The following ANKRD36 variants were observed in gnomAD, a reference collection of about 807,000 sequenced individuals.
The protein encoded by ANKRD36 is ankyrin repeat domain-containing protein 36A.
A neutral mutation model predicts 278.1 loss-of-function variants in ANKRD36; 179 were observed. The observed-to-expected ratio is 0.64, with a 90% CI of 0.57 to 0.73. ANKRD36 has a LOEUF of 0.73. Among genes scored for constraint, ANKRD36 ranks in the 30% least tolerant of loss-of-function variants. The pLI is 0.00. For missense variants in ANKRD36, 1,159 were observed against 1,956.7 expected (o/e 0.59, Z 7.69); for synonymous variants, 320 against 641.1 (o/e 0.50, Z 7.57).
Position 97,193,046 on chromosome 2 carries a change from T to C in ANKRD36, c.2442T>C (p.Ser814=). 6.4e-7 allele frequency: 1 copy of C among 1,552,926 alleles called. No homozygotes were observed. The highest frequency in any genetic ancestry group is 1.2e-5 in the South Asian group (1 of 84,460). Reference sequence around the variant, plus strand: ...GAGAAAACAAGGATGGAGAAAAATCTAGGACAGGTAATTTTGAAAAGAGAT... The same window carrying C: ...GAGAAAACAAGGATGGAGAAAAATCCAGGACAGGTAATTTTGAAAAGAGAT... The part of the protein sequence containing the change: ...IARENKDGEK[S]RTVSSRKKPA... Residue 814 remains serine, a synonymous_variant, in exon 38 of 76, where the codon TCT becomes TCC. Transcript: ENST00000420699.
In ANKRD36 at chr2:97,190,055, G is replaced by T. The variant is rs1322848155; in HGVS notation, c.2245+765G>T. ...GAATACATTGGCTTCCTTGTTCAAGGAGCTACCTCTTGGATAAAATAGCTA... is the reference window on the plus strand; with the variant it reads ...GAATACATTGGCTTCCTTGTTCAAGTAGCTACCTCTTGGATAAAATAGCTA... On this transcript the variant is annotated intron_variant, in intron 34 of 75. Transcript: ENST00000420699. Among the ~76,000 whole-genome samples the T allele has an allele frequency of 2.3e-5, 2 of 87,110 alleles. 1 individual carries two copies. The highest frequency in any genetic ancestry group is 5.3e-5 in the African/African-American group (2 of 37,938). The allele number at this position is 87,110 out of a possible 152,430, so 57.1% of individuals were successfully genotyped here.
intron 49 of ANKRD36, 27 bp from the exon 50 acceptor site, chr2:97,204,160 AATTT>A (rs2062162677): frequency 1.3e-6 from 2 of 1,573,600 alleles, no homozygotes; most frequent in African/African-American, 1.4e-5. Flanking sequence ...ATACTTTATT[AATTT>A]ATTATTTCAT....
chr2:97,140,608 A>G (rs2042662320), intron 6 of ANKRD36, among the ~76,000 whole-genome samples: 2 of 152,040 alleles, frequency 1.3e-5, no homozygotes, highest in Admixed American at 6.6e-5. Flanking sequence ...AAGAGTGTCT[A>G]TGGGAGAGAG....
intron 40 of ANKRD36, among the ~76,000 whole-genome samples, chr2:97,196,032 T>TAATA (rs373546772): frequency 1.0e-3 from 159 of 152,046 alleles, no homozygotes; most frequent in African/African-American, 3.6e-3. Context: ...TAATGAATAT[T>TAATA]ATGTACTAGG....
At chr2:97,209,194 T>C (rs1348996438) in intron 54 of ANKRD36, among the ~76,000 whole-genome samples, 1 of 146,658 alleles carries the variant, frequency 6.8e-6, no homozygotes, top group Non-Finnish European at 1.5e-5. Flanking sequence ...ATGTGAAGTG[T>C]ACTTTCAACT....
intron 22 of ANKRD36, among the ~76,000 whole-genome samples, chr2:97,178,464 G>A (rs2055023508): frequency 1.3e-5 from 2 of 151,806 alleles, no homozygotes; most frequent in South Asian, 4.2e-4. Context: ...TTAAGAAAAT[G>A]TGGCACATAT....
chr2:97,218,077 T>C (rs2066435505), intron 64 of ANKRD36, among the ~76,000 whole-genome samples: 2 of 151,972 alleles, frequency 1.3e-5, no homozygotes, highest in South Asian at 4.2e-4. Context: ...ACATATATTT[T>C]TTATTAGTTA....
chr2:97,237,297 G>GT (rs1380983889), intron 68 of ANKRD36, among the ~76,000 whole-genome samples: 14 of 149,254 alleles, frequency 9.4e-5, no homozygotes, highest in African/African-American at 3.4e-4. Flanking sequence ...CATAGTGGTA[G>GT]TTGCTATGAT....
chr2:97,181,643 T>A lies in ANKRD36; in HGVS notation c.1764+17T>A. 1 of 1,602,966 alleles carries A rather than the reference T, an allele frequency of 6.2e-7. No homozygotes were observed. The highest frequency in any genetic ancestry group is 8.5e-7 in the Non-Finnish European group (1 of 1,178,178). ...GCTGAGAAGGTAATTAAAGTCTCAT[T>A]TATATGTTGAACTATTAACTGTATA... is the stretch of plus-strand genomic sequence containing the variant. On this transcript the variant is annotated intron_variant, in intron 25 of 75. Transcript: ENST00000420699.
At chr2:97,158,277 G>T in intron 16 of ANKRD36, 110 bp downstream of exon 16, 1 of 1,288,404 alleles carries the variant, frequency 7.8e-7, no homozygotes, top group South Asian at 1.4e-5. Flanking sequence ...GCCCAGGCTG[G>T]AGTGCAGTGG....
At chr2:97,244,167 T>C in intron 70 of ANKRD36, 138 bp downstream of exon 70, 17 of 1,137,828 alleles carry the variant, frequency 1.5e-5, no homozygotes, top group Non-Finnish European at 2.1e-5. Context: ...TCATGGCATT[T>C]ATAGCTATAA....
At chr2:97,198,839 G>A (rs372280175) in intron 44 of ANKRD36, among the ~76,000 whole-genome samples, 181 bp downstream of exon 44, 488 of 151,304 alleles carry the variant, frequency 3.2e-3, no homozygotes, top group East Asian at 0.01. Flanking sequence ...CATGATCTTC[G>A]CAGTAAGATT....
chr2:97,134,889 A>G (rs564419988), intron 6 of ANKRD36, among the ~76,000 whole-genome samples: 1 of 152,170 alleles, frequency 6.6e-6, no homozygotes, highest in South Asian at 2.1e-4. Context: ...AGGGAGTGAT[A>G]TTTTCTCTGT....
chr2:97,189,627 G>A lies in ANKRD36; in HGVS notation c.2245+337G>A, dbSNP rs372066104. 1.0e-4 allele frequency among the ~76,000 whole-genome samples: 9 copies of A among 87,454 alleles called. 3 individuals are homozygous for A. The highest frequency in any genetic ancestry group is 2.6e-4 in the South Asian group (1 of 3,810). The allele number at this position is 87,454 out of a possible 152,430, so 57.4% of individuals were successfully genotyped here. ...CACTAAGGGTGGAAGAAGAAAGAGA[G>A]GAAGTATAGATTCTACAGACGTCAC... On this transcript the variant is annotated intron_variant, in intron 34 of 75. Transcript: ENST00000420699.
chr2:97,143,707 A>G (rs576134536), intron 8 of ANKRD36, among the ~76,000 whole-genome samples: 2 of 152,282 alleles, frequency 1.3e-5, no homozygotes, highest in African/African-American at 2.4e-5. Flanking sequence ...TGACTCCTAA[A>G]GTGGTTATTT....
At chr2:97,205,875 T>C (rs1348463666) in intron 50 of ANKRD36, 65 bp from the exon 51 acceptor site, 3 of 1,496,430 alleles carry the variant, frequency 2.0e-6, no homozygotes, top group Non-Finnish European at 2.7e-6. Context: ...CTAACTCTGC[T>C]TGAATGTATG....
At chr2:97,263,182 A>G (rs1482391371) in intron 75 of ANKRD36, among the ~76,000 whole-genome samples, 1 of 132,876 alleles carries the variant, frequency 7.5e-6, no homozygotes, top group African/African-American at 3.0e-5. Context: ...GTTGACCAAA[A>G]TGATAATAGG....
At chr2:97,128,683 C>A (rs1408877476) in intron 6 of ANKRD36, among the ~76,000 whole-genome samples, 1 of 151,796 alleles carries the variant, frequency 6.6e-6, no homozygotes, top group Admixed American at 6.6e-5. Context: ...CACACTTTTA[C>A]AGAATTGTCA....
chr2:97,211,819 G>A (rs2064726219), intron 58 of ANKRD36, 78 bp downstream of exon 58: 6 of 1,459,214 alleles, frequency 4.1e-6, no homozygotes, highest in Admixed American at 2.1e-5. Flanking sequence ...AAACAGCGGG[G>A]GGTTCGTCAA....
Sources: allele counts gnomAD v4.1 joint callset (sites outside exome capture counted in the v4.1 genomes callset), GRCh38; gene constraint gnomAD v4.1.1; transcripts MANE v1.5; gene names NCBI Gene and HGNC (gene_info 2026-07-23, HGNC 2026-07-21).